ZFPM2: variants seen among roughly 807,000 people sequenced by gnomAD.
The protein encoded by ZFPM2 is zinc finger protein ZFPM2.
A neutral mutation model predicts 98.6 loss-of-function variants in ZFPM2; 20 were observed. The observed-to-expected ratio is 0.20, with a 90% CI of 0.14 to 0.29. The LOEUF (loss-of-function observed/expected upper bound fraction) is 0.29, where lower values mean the gene tolerates loss of function less well. Among genes scored for constraint, ZFPM2 ranks in the 10% least tolerant of loss-of-function variants. The probability of loss-of-function intolerance (pLI) is 1.00; values close to 1 mark genes in which losing one functional copy is unlikely to be tolerated. For missense variants in ZFPM2, 1,310 were observed against 1,388.6 expected (o/e 0.94, Z 0.90); for synonymous variants, 518 against 502.7 (o/e 1.03, Z -0.41).
chr8:105,654,949 T>C (rs1817254243), intron 5 of ZFPM2, among the ~76,000 whole-genome samples: 1 of 152,184 alleles, frequency 6.6e-6, no homozygotes, highest in African/African-American at 2.4e-5. Flanking sequence ...TTTGAATTTT[T>C]GGCTTTCAAC....
intron 3 of ZFPM2, among the ~76,000 whole-genome samples, chr8:105,510,541 CA>C (rs1449362289): frequency 6.6e-6 from 1 of 151,932 alleles, no homozygotes. Context: ...TTAAAATATG[CA>C]AAAGGTATTT....
chr8:105,386,090 G>T (rs956130267), intron 1 of ZFPM2, among the ~76,000 whole-genome samples: 10 of 152,062 alleles, frequency 6.6e-5, no homozygotes, highest in African/African-American at 2.4e-4. Flanking sequence ...TTTTCAATAG[G>T]TGCTCAGTAA....
chr8:105,676,965 A>G (rs1810484655), intron 5 of ZFPM2, among the ~76,000 whole-genome samples: 1 of 152,094 alleles, frequency 6.6e-6, no homozygotes, highest in East Asian at 1.9e-4. Context: ...AGAAGTATAG[A>G]AGAAACCAAA....
intron 1 of ZFPM2, chr8:105,387,846 A>G (rs774709364): frequency 1.3e-5 from 2 of 152,296 alleles, no homozygotes; most frequent in Non-Finnish European, 2.9e-5. Flanking sequence ...GCACGCTGTC[A>G]CCTCTCAATC....
At position 105,749,963 on chromosome 8, in the gene ZFPM2, G is replaced by A. The variant is rs148890000; in HGVS notation, c.533-38755G>A. On this transcript the variant is annotated intron_variant, in intron 5 of 7. Transcript: ENST00000407775. The stretch of plus-strand genomic sequence containing the variant: ...AAAGTATGCAGGTATGAGTACACAA[G>A]ATTTATCCTGGGCCACAGCAGTGAA... Among the ~76,000 whole-genome samples, 8 of 152,110 alleles carry A rather than the reference G, an allele frequency of 5.3e-5. No homozygotes were observed. The South Asian group carries it at 6.2e-4, about 12-fold the overall frequency.
At chr8:105,607,786 A>C (rs1563740751) in intron 4 of ZFPM2, among the ~76,000 whole-genome samples, 1 of 152,064 alleles carries the variant, frequency 6.6e-6, no homozygotes, top group Non-Finnish European at 1.5e-5. Context: ...CTCTAAATTA[A>C]TTTTTTAACA....
chr8:105,566,921 A>G (rs1295016644), intron 4 of ZFPM2, among the ~76,000 whole-genome samples: 1 of 152,150 alleles, frequency 6.6e-6, no homozygotes, highest in Admixed American at 6.6e-5. Context: ...TTTTTTTAAA[A>G]AAATGAAATA....
In ZFPM2 at chr8:105,419,040, A is replaced by T. The variant is rs2130079109; in HGVS notation, c.41-104A>T. On this transcript the variant is annotated intron_variant, in intron 1 of 7. Coordinates refer to ENST00000407775, the MANE Select transcript of ZFPM2 (RefSeq NM_012082.4). ...CCCTTGGTGGTACTACTTAGAGTAT[A>T]TTATTTTTCTCACCACTGTAACAAA... The T allele has an allele frequency of 6.9e-6, 7 of 1,017,822 alleles. No individual in the cohort carries two copies. In the East Asian group the frequency reaches 1.5e-4, roughly 22 times the overall value. The allele number at this position is 1,017,822 out of a possible 1,614,324, so 63.0% of individuals were successfully genotyped here. A position where few individuals can be genotyped will look rare whatever the true frequency, so the allele number is the denominator to read the frequency against.
chr8:105,802,550 G>C lies in ZFPM2; in HGVS notation c.2468G>C (p.Cys823Ser). ...GATACTACTCATTCCAGTGTTTCCT[G>C]CCTAGAGATGGACGTGCCCATAGAT... Reference protein sequence around the residue: ...KCDTTHSSVSCLEMDVPIDLS... With the variant: ...KCDTTHSSVSSLEMDVPIDLS... Residue 823 changes from cysteine to serine, a missense_variant, in exon 8 of 8, where the codon TGC becomes TCC. Cys to Ser is a moderately radical substitution (Grantham distance 112). Transcript: ENST00000407775. The C allele has an allele frequency of 1.2e-6, 2 of 1,611,632 alleles. No individual in the cohort carries two copies. Among genetic ancestry groups the C allele is most frequent in the Non-Finnish European group, 1.7e-6 (2 of 1,178,796 alleles).
intron 2 of ZFPM2, among the ~76,000 whole-genome samples, chr8:105,425,293 A>G (rs1183727786): frequency 6.6e-6 from 1 of 152,204 alleles, no homozygotes; most frequent in African/African-American, 2.4e-5. Flanking sequence ...AAAGGCCTGC[A>G]GAAAGGAAAG....
At chr8:105,537,288 CAT>C (rs1814472971) in intron 3 of ZFPM2, among the ~76,000 whole-genome samples, 1 of 152,106 alleles carries the variant, frequency 6.6e-6, no homozygotes. Flanking sequence ...ACTACCAAGA[CAT>C]GTAACCATTT....
chr8:105,658,586 C>CA (rs773181953), intron 5 of ZFPM2, among the ~76,000 whole-genome samples: 168 of 7,828 alleles, frequency 0.021, 29 homozygotes, highest in African/African-American at 0.042. Context: ...GACTCCGTCT[C>CA]AAAAAAAAAA....
At chr8:105,333,893 T>A (rs1782201968) in intron 1 of ZFPM2, among the ~76,000 whole-genome samples, 1 of 151,720 alleles carries the variant, frequency 6.6e-6, no homozygotes, top group African/African-American at 2.4e-5. Flanking sequence ...TGAAAAAATA[T>A]GCAAGAAATT....
At chr8:105,650,810 T>C (rs1450072458) in intron 5 of ZFPM2, among the ~76,000 whole-genome samples, 2 of 152,176 alleles carry the variant, frequency 1.3e-5, no homozygotes, top group African/African-American at 4.8e-5. Context: ...TGTGGTCAAT[T>C]TTGGAATAAG....
intron 3 of ZFPM2, among the ~76,000 whole-genome samples, chr8:105,455,669 A>G (rs1812574811): frequency 6.6e-6 from 1 of 152,218 alleles, no homozygotes; most frequent in African/African-American, 2.4e-5. Flanking sequence ...CCTTATCAAG[A>G]GATCACAGTG....
intron 2 of ZFPM2, among the ~76,000 whole-genome samples, chr8:105,442,416 A>C (rs562156623): frequency 6.6e-6 from 1 of 152,270 alleles, no homozygotes; most frequent in East Asian, 1.9e-4. Context: ...TCATTTGTCA[A>C]CTTACCCTCT....
At chr8:105,638,513 C>G (rs1026596218) in intron 5 of ZFPM2, among the ~76,000 whole-genome samples, 9 of 152,090 alleles carry the variant, frequency 5.9e-5, no homozygotes, top group Non-Finnish European at 8.8e-5. Flanking sequence ...ACCTAAACTA[C>G]TTATAAACTC....
chr8:105,357,425 T>C (rs944098208), intron 1 of ZFPM2, among the ~76,000 whole-genome samples: 7 of 152,204 alleles, frequency 4.6e-5, no homozygotes, highest in Admixed American at 1.3e-4. Flanking sequence ...TTATGCCTTT[T>C]TGCTTTTATG....
intron 4 of ZFPM2, among the ~76,000 whole-genome samples, chr8:105,571,833 A>G (rs1815360851): frequency 6.6e-6 from 1 of 152,102 alleles, no homozygotes; most frequent in Non-Finnish European, 1.5e-5. Flanking sequence ...GTTTTAATCT[A>G]ATTTTCAATA....
Sources: gnomAD v4.1 joint callset for allele counts (sites outside exome capture counted in the v4.1 genomes callset) on GRCh38, gnomAD v4.1.1 for gene constraint, MANE v1.5 for transcripts, NCBI Gene and HGNC (gene_info 2026-07-23, HGNC 2026-07-21) for gene names.